Variants in PHACTR4 observed in about 807,000 individuals in gnomAD.
PHACTR4 encodes the protein protein phosphatase 1, regulatory subunit 124.
Under a neutral mutation model 72.7 loss-of-function variants are expected in PHACTR4, and 51 were observed. The observed-to-expected ratio is 0.70, with a 90% confidence interval of 0.56 to 0.89. The LOEUF (loss-of-function observed/expected upper bound fraction) is 0.89, where lower values mean the gene tolerates loss of function less well. Among genes scored for constraint, PHACTR4 ranks in the 40% least tolerant of loss-of-function variants. The probability of loss-of-function intolerance (pLI) is 0.00; values close to 1 mark genes in which losing one functional copy is unlikely to be tolerated. For missense variants in PHACTR4, 731 were observed against 861.8 expected (o/e 0.85, Z 1.90); for synonymous variants, 255 against 302.5 (o/e 0.84, Z 1.63).
rs60280611 is a variant in PHACTR4, at chr1:28,378,198, T to TA, written c.-39+8391dup. ...GGTGACAGAGCGAGACTCCATCTCATAAAAAAAAAAAAAAAAAATTTGGCC... is the reference window on the plus strand; with the variant it reads ...GGTGACAGAGCGAGACTCCATCTCATAAAAAAAAAAAAAAAAAAATTTGGCC... On this transcript the variant is annotated intron_variant, in intron 1 of 13. Coordinates refer to ENST00000373839, the MANE Select transcript of PHACTR4 (RefSeq NM_001048183.3). Among the ~76,000 whole-genome samples the TA allele has an allele frequency of 3.7e-3, 282 of 76,384 alleles. 5 individuals carry two copies. The highest frequency in any genetic ancestry group is 0.017 in the Middle Eastern group (2 of 116). 50.1% of individuals were successfully genotyped at this position (76,384 alleles called of 152,430 possible).
chr1:28,426,736 T>TA (rs1553190762), intron 2 of PHACTR4, among the ~76,000 whole-genome samples: 2 of 151,462 alleles, frequency 1.3e-5, no homozygotes, highest in African/African-American at 4.9e-5. Context: ...TTTTTTTTTT[T>TA]AATAGAGACA....
At chr1:28,444,214 CTTTTTTTTTTT>C (rs746642128) in intron 2 of PHACTR4, among the ~76,000 whole-genome samples, 1 of 41,086 alleles carries the variant, frequency 2.4e-5, no homozygotes, top group African/African-American at 9.5e-5. Context: ...ATATATTTGG[CTTTTTTTTTTT>C]TTTTTTTTTT....
At chr1:28,483,106 T>C (rs999222586) in intron 9 of PHACTR4, among the ~76,000 whole-genome samples, 13 of 151,370 alleles carry the variant, frequency 8.6e-5, no homozygotes, top group African/African-American at 2.9e-4. Flanking sequence ...CTGACTACTT[T>C]GAAATTAAGG....
In PHACTR4 at chr1:28,463,560, T is replaced by G. The variant is rs146521323; in HGVS notation, c.272-2125T>G. Among the ~76,000 whole-genome samples, 359 of 152,350 alleles carry G rather than the reference T, an allele frequency of 2.4e-3. 1 individual carries two copies. The highest frequency in any genetic ancestry group is 8.3e-3 in the African/African-American group (344 of 41,578). On this transcript the variant is annotated intron_variant, in intron 4 of 13. Coordinates refer to ENST00000373839, the MANE Select transcript of PHACTR4 (RefSeq NM_001048183.3). Reference sequence around the variant, plus strand: ...ATCATTGCTTCAGTATTCTAGAAAATCTTGTTTTTGTTAAACATGGGCAGT... The same window carrying G: ...ATCATTGCTTCAGTATTCTAGAAAAGCTTGTTTTTGTTAAACATGGGCAGT...
In PHACTR4 at chr1:28,483,573, G is replaced by A. The variant is rs190419322; in HGVS notation, c.1760+2969G>A. Among the ~76,000 whole-genome samples, 11 of 151,986 alleles carry A rather than the reference G, an allele frequency of 7.2e-5. 1 individual carries two copies. The East Asian group carries it at 2.1e-3, about 30-fold the overall frequency. On this transcript the variant is annotated intron_variant, in intron 9 of 13. Coordinates refer to ENST00000373839, the MANE Select transcript of PHACTR4 (RefSeq NM_001048183.3). ...TCTCAGCACTTTGGGAGGCCGAGGC[G>A]GGTGGATCATGAGGTCAGGAGATCA...
intron 2 of PHACTR4, among the ~76,000 whole-genome samples, chr1:28,456,301 A>G (rs1424888775): frequency 1.3e-5 from 2 of 152,184 alleles, no homozygotes; most frequent in African/African-American, 4.8e-5. Flanking sequence ...GATGCCACAT[A>G]CTTTTAAACG....
intron 2 of PHACTR4, among the ~76,000 whole-genome samples, chr1:28,440,394 C>T (rs796409941): frequency 0.11 from 8,800 of 83,158 alleles, 1,331 homozygotes; most frequent in African/African-American, 0.31. Context: ...TTCATCAATT[C>T]TTTTTTTTTT....
intron 6 of PHACTR4, among the ~76,000 whole-genome samples, chr1:28,473,228 A>C (rs1418822896): frequency 6.7e-6 from 1 of 150,356 alleles, no homozygotes; most frequent in Non-Finnish European, 1.5e-5. Flanking sequence ...GTAAGCCAAG[A>C]TCGCGCCACT....
rs373249799 is a variant in PHACTR4 at position 28,466,658 on chromosome 1, C to A, written c.713C>A (p.Pro238His). The A allele has an allele frequency of 7.4e-6, 12 of 1,614,068 alleles. No homozygotes were observed. The highest frequency in any genetic ancestry group is 1.0e-5 in the Non-Finnish European group (12 of 1,180,012). ...SPAPRTLPAA[P>H]ASTNTTATPS... The stretch of plus-strand genomic sequence containing the variant: ...GCACCCAGGACTCTGCCTGCTGCTC[C>A]TGCCAGCACTAACACTACTGCTACC... Residue 238 changes from proline to histidine, a missense_variant, in exon 6 of 14, where the codon CCT (proline) becomes CAT (histidine). Coordinates refer to ENST00000373839, the MANE Select transcript of PHACTR4 (RefSeq NM_001048183.3).
At chr1:28,400,967 GCTGTCTTGAGTAATCAC>G (rs1350220309) in intron 1 of PHACTR4, among the ~76,000 whole-genome samples, 2 of 152,254 alleles carry the variant, frequency 1.3e-5, no homozygotes, top group East Asian at 3.9e-4. Context: ...TGTTCCCATG[GCTGTCTTGAGTAATCAC>G]CTGTCTGGAG....
At chr1:28,381,195 A>G (rs554585151) in intron 1 of PHACTR4, among the ~76,000 whole-genome samples, 4 of 151,488 alleles carry the variant, frequency 2.6e-5, no homozygotes, top group East Asian at 3.9e-4. Flanking sequence ...TTGTAGGGAC[A>G]GGGTTTCACC....
intron 2 of PHACTR4, among the ~76,000 whole-genome samples, chr1:28,425,468 A>G (rs115507321): frequency 2.0e-4 from 30 of 152,328 alleles, no homozygotes; most frequent in African/African-American, 7.0e-4. Context: ...TATAAACACT[A>G]TTTATATAGT....
In PHACTR4 at chr1:28,466,600, A is replaced by G; in HGVS notation, c.655A>G (p.Lys219Glu). 5.0e-6 allele frequency: 8 copies of G among 1,614,036 alleles called. No individual in the cohort carries two copies. Among genetic ancestry groups the G allele is most frequent in the Non-Finnish European group, 6.8e-6 (8 of 1,180,006 alleles). Residue 219 changes from lysine to glutamate, a missense_variant, in exon 6 of 14, where the codon AAG (lysine) becomes GAG (glutamate). Coordinates refer to ENST00000373839, the MANE Select transcript of PHACTR4 (RefSeq NM_001048183.3). ...AATTAATSLA[K>E]TVNLSVTPSP... The stretch of plus-strand genomic sequence containing the variant: ...CACCACTGCTGCCACAAGCCTTGCA[A>G]AGACTGTTAATCTCTCTGTCACCCC...
intron 2 of PHACTR4, among the ~76,000 whole-genome samples, chr1:28,415,496 T>G (rs996779727): frequency 6.6e-6 from 1 of 152,212 alleles, no homozygotes; most frequent in African/African-American, 2.4e-5. Flanking sequence ...CAAAAGGGAC[T>G]GAAACCCTAG....
intron 3 of PHACTR4, among the ~76,000 whole-genome samples, chr1:28,459,510 T>A (rs1478347892): frequency 6.8e-6 from 1 of 147,262 alleles, no homozygotes; most frequent in Non-Finnish European, 1.5e-5. Context: ...CATGTAATCC[T>A]CCTGCCTCAG....
At chr1:28,396,280 C>T (rs763332780) in intron 1 of PHACTR4, among the ~76,000 whole-genome samples, 1 of 151,742 alleles carries the variant, frequency 6.6e-6, no homozygotes. Context: ...GCCTGTAATC[C>T]GAGCACTTTG....
intron 2 of PHACTR4, among the ~76,000 whole-genome samples, chr1:28,458,440 G>GCT (rs1453804229): frequency 1.3e-5 from 2 of 152,044 alleles, no homozygotes; most frequent in East Asian, 3.8e-4. Context: ...GAGCCACTGT[G>GCT]CTCAGCCTAT....
At chr1:28,407,873 C>T (rs1654469459) in intron 2 of PHACTR4, among the ~76,000 whole-genome samples, 1 of 152,216 alleles carries the variant, frequency 6.6e-6, no homozygotes, top group Admixed American at 6.5e-5. Context: ...AATCCTAGCA[C>T]TTTGGGAAGC....
At chr1:28,420,044 A>G (rs907875152) in intron 2 of PHACTR4, among the ~76,000 whole-genome samples, 4 of 152,090 alleles carry the variant, frequency 2.6e-5, no homozygotes, top group African/African-American at 4.8e-5. Context: ...GAGGCAGGCA[A>G]ATCGTCTGAG....
Sources: allele counts gnomAD v4.1 joint callset (sites outside exome capture counted in the v4.1 genomes callset), GRCh38; gene constraint gnomAD v4.1.1; transcripts MANE v1.5; gene names NCBI Gene and HGNC (gene_info 2026-07-23, HGNC 2026-07-21).